EXT1: variants seen among roughly 807,000 people sequenced by gnomAD.
EXT1 encodes the protein exostosin glycosyltransferase 1, also known as exostosin-1.
A neutral mutation model predicts 82.5 loss-of-function variants in EXT1; 20 were observed. That is an observed-to-expected ratio of 0.24 (90% CI 0.17 to 0.35). The LOEUF (loss-of-function observed/expected upper bound fraction) is 0.35, where lower values mean the gene tolerates loss of function less well. EXT1 is among the 10% of genes least tolerant of loss of function. The pLI is 1.00. For missense variants in EXT1, 757 were observed against 936.5 expected (o/e 0.81, Z 2.50); for synonymous variants, 348 against 350.8 (o/e 0.99, Z 0.09).
At chr8:117,881,243 G>A (rs559954942) in intron 1 of EXT1, among the ~76,000 whole-genome samples, 8 of 152,206 alleles carry the variant, frequency 5.3e-5, no homozygotes, top group Middle Eastern at 3.4e-3. Context: ...AAATGTCACC[G>A]TTTAATGGTT....
In EXT1 at chr8:117,968,821, G is replaced by A. The variant is rs543823971; in HGVS notation, c.963-131620C>T. Among the ~76,000 whole-genome samples, 5 of 64,330 alleles carry A rather than the reference G, an allele frequency of 7.8e-5. No individual in the cohort carries two copies. The East Asian group carries it at 1.6e-3, about 21-fold the overall frequency. The allele number at this position is 64,330 out of a possible 152,430, so 42.2% of individuals were successfully genotyped here. A position where few individuals can be genotyped will look rare whatever the true frequency, so the allele number is the denominator to read the frequency against. The stretch of plus-strand genomic sequence containing the variant: ...CCTGACCTTGTGATCCGCCCGCCTC[G>A]GCCTCCCAAAGTGCTGGGATTACAG... On this transcript the variant is annotated intron_variant, in intron 1 of 10. Transcript: ENST00000378204.
At chr8:118,018,303 G>A (rs2129850587) in intron 1 of EXT1, among the ~76,000 whole-genome samples, 1 of 152,116 alleles carries the variant, frequency 6.6e-6, no homozygotes, top group South Asian at 2.1e-4. Context: ...GGAAAAATTG[G>A]AAAAACACAC....
intron 1 of EXT1, among the ~76,000 whole-genome samples, chr8:118,057,671 T>TAA (rs11417159): frequency 0.33 from 49,664 of 150,198 alleles, 9,728 homozygotes; most frequent in Middle Eastern, 0.47. Context: ...CTGGTCTCTT[T>TAA]AAAAAAAAAA....
At chr8:117,923,470 C>T (rs2129638916) in intron 1 of EXT1, among the ~76,000 whole-genome samples, 1 of 151,880 alleles carries the variant, frequency 6.6e-6, no homozygotes, top group East Asian at 1.9e-4. Flanking sequence ...GTAATCCCAG[C>T]AATTTGGGAG....
rs757499913 is a variant in EXT1, at chr8:118,110,993, G to A, written c.54C>T (p.Ala18=). The A allele has an allele frequency of 6.2e-7, 1 of 1,607,652 alleles. No individual in the cohort carries two copies. The highest frequency in any genetic ancestry group is 2.2e-5 in the East Asian group (1 of 44,896). The part of the protein sequence containing the change: ...FILLSAGSCL[A]LLFYFGGLQF... The stretch of plus-strand genomic sequence containing the variant: ...GCAAGCCTCCGAAATAAAACAAAAG[G>A]GCGAGACAAGAGCCAGCTGAGAGCA... The change falls in exon 1 of 11, where the codon GCC becomes GCT. Residue 18 remains alanine, a synonymous_variant. Transcript: ENST00000378204.
At chr8:117,830,376 A>G (rs1412432674) in intron 3 of EXT1, 27 bp from the exon 4 acceptor site, 1 of 1,611,742 alleles carries the variant, frequency 6.2e-7, no homozygotes, top group Admixed American at 1.7e-5. Context: ...ACACATAGGA[A>G]TTATAACTGT....
intron 1 of EXT1, among the ~76,000 whole-genome samples, chr8:117,839,659 A>G (rs1812243375): frequency 6.6e-6 from 1 of 152,190 alleles, no homozygotes. Context: ...AACATGTTCT[A>G]CCTGAAGGAA....
chr8:117,998,416 T>C (rs1197370353), intron 1 of EXT1, among the ~76,000 whole-genome samples: 1 of 152,156 alleles, frequency 6.6e-6, no homozygotes, highest in African/African-American at 2.4e-5. Flanking sequence ...CTCAAGCGAC[T>C]TTCCCACCTC....
intron 1 of EXT1, among the ~76,000 whole-genome samples, chr8:117,871,215 T>C (rs907052764): frequency 3.3e-5 from 5 of 152,206 alleles, no homozygotes; most frequent in African/African-American, 1.2e-4. Flanking sequence ...ACCCTAATAG[T>C]GTTTTCATTA....
intron 1 of EXT1, among the ~76,000 whole-genome samples, chr8:118,023,936 G>A (rs189790091): frequency 1.3e-5 from 2 of 152,338 alleles, no homozygotes; most frequent in East Asian, 3.9e-4. Flanking sequence ...TGCATGTGAA[G>A]TTCCTACCTT....
intron 1 of EXT1, among the ~76,000 whole-genome samples, chr8:117,983,500 A>T (rs1815249765): frequency 6.6e-6 from 1 of 152,144 alleles, no homozygotes; most frequent in African/African-American, 2.4e-5. Context: ...TATTTTTAAA[A>T]AAAGAGAGAA....
At chr8:118,082,499 C>A (rs546207027) in intron 1 of EXT1, among the ~76,000 whole-genome samples, 165 of 152,178 alleles carry the variant, frequency 1.1e-3, no homozygotes, top group African/African-American at 3.9e-3. Flanking sequence ...TCTGTTCTTT[C>A]CCCATCATAC....
In EXT1 at chr8:118,111,218, G is replaced by T; in HGVS notation, c.-172C>A. The T allele has an allele frequency of 2.2e-6, 2 of 924,158 alleles. No homozygotes were observed. Among genetic ancestry groups the T allele is most frequent in the Non-Finnish European group, 3.3e-6 (2 of 601,208 alleles). The allele number at this position is 924,158 out of a possible 1,614,324, so 57.2% of individuals were successfully genotyped here. ...AGCCGTGGACTGATCCAGCGCATGT[G>T]GGCGATTTCTTTAACTTTCTCCCCT... On this transcript the variant is annotated 5_prime_UTR_variant, in exon 1 of 11. Coordinates refer to ENST00000378204, the MANE Select transcript of EXT1 (RefSeq NM_000127.3).
At chr8:118,064,873 T>C (rs895470715) in intron 1 of EXT1, among the ~76,000 whole-genome samples, 6 of 131,092 alleles carry the variant, frequency 4.6e-5, no homozygotes, top group African/African-American at 9.9e-5. Context: ...TTTTTTTTTT[T>C]CTGAGATGGA....
At chr8:118,000,090 C>A (rs181365843) in intron 1 of EXT1, among the ~76,000 whole-genome samples, 77 of 152,220 alleles carry the variant, frequency 5.1e-4, no homozygotes, top group Non-Finnish European at 4.9e-4. Flanking sequence ...CATCCAAGCC[C>A]ATGCGAGGTA....
intron 1 of EXT1, among the ~76,000 whole-genome samples, chr8:117,875,403 A>T (rs1812950801): frequency 6.6e-6 from 1 of 150,686 alleles, no homozygotes; most frequent in Non-Finnish European, 1.5e-5. Flanking sequence ...CCTGGGTGAT[A>T]GAGTGAAACT....
intron 1 of EXT1, among the ~76,000 whole-genome samples, chr8:117,863,860 G>C (rs924269384): frequency 2.0e-5 from 3 of 152,112 alleles, no homozygotes; most frequent in Non-Finnish European, 4.4e-5. Flanking sequence ...TTTTATATAT[G>C]CATATGAGGA....
chr8:117,940,491 T>C (rs528581442), intron 1 of EXT1, among the ~76,000 whole-genome samples: 1 of 152,312 alleles, frequency 6.6e-6, no homozygotes, highest in South Asian at 2.1e-4. Flanking sequence ...CTCATTTCAA[T>C]TCAAACGACC....
At chr8:118,080,756 A>G (rs1817304464) in intron 1 of EXT1, among the ~76,000 whole-genome samples, 1 of 152,212 alleles carries the variant, frequency 6.6e-6, no homozygotes, top group African/African-American at 2.4e-5. Context: ...TACCTCATCT[A>G]TTATAATAGG....
Sources: gnomAD v4.1 joint callset for allele counts (sites outside exome capture counted in the v4.1 genomes callset) on GRCh38, gnomAD v4.1.1 for gene constraint, MANE v1.5 for transcripts, NCBI Gene and HGNC (gene_info 2026-07-23, HGNC 2026-07-21) for gene names.